CSNK2A1: variants seen among roughly 807,000 people sequenced by gnomAD.
CSNK2A1 encodes the protein casein kinase II subunit alpha.
In CSNK2A1, 10 loss-of-function variants were observed where a neutral mutation model predicts 62.9. That is an observed-to-expected ratio of 0.16 (90% CI 0.10 to 0.27). The LOEUF (loss-of-function observed/expected upper bound fraction) is 0.27. CSNK2A1 is among the 10% of genes least tolerant of loss of function. The probability of loss-of-function intolerance (pLI) is 1.00; values close to 1 mark genes in which losing one functional copy is unlikely to be tolerated. For synonymous variants in CSNK2A1, 124 were observed against 167.8 expected, an observed-to-expected ratio of 0.74 and a Z score of 2.02; for missense variants, 160 against 492.0, an observed-to-expected ratio of 0.33 and a Z score of 6.38.
intron 7 of CSNK2A1, 111 bp from the exon 8 acceptor site, chr20:495,913 A>G (rs552099164): frequency 6.3e-6 from 5 of 797,614 alleles, no homozygotes; most frequent in East Asian, 2.6e-5. Flanking sequence ...CTGGGATTCA[A>G]GCTGAGGACA....
chr20:517,698 T>A (rs1197526516), intron 2 of CSNK2A1, among the ~76,000 whole-genome samples: 1 of 152,108 alleles, frequency 6.6e-6, no homozygotes, highest in African/African-American at 2.4e-5. Context: ...TTAAAGCAAG[T>A]TAAGAATTTT....
intron 4 of CSNK2A1, chr20:504,389 A>C (rs1403950419): frequency 6.6e-6 from 1 of 152,212 alleles, no homozygotes; most frequent in African/African-American, 2.4e-5. Context: ...CTATATGCTA[A>C]GTTCCCAATA....
At chr20:532,767 A>C (rs2122646049) in intron 1 of CSNK2A1, among the ~76,000 whole-genome samples, 1 of 152,308 alleles carries the variant, frequency 6.6e-6, no homozygotes, top group Non-Finnish European at 1.5e-5. Context: ...ATTTCAAGAG[A>C]TACGCAATCA....
rs1424621601 is a variant in CSNK2A1 at position 483,845 on chromosome 20, C to T, written c.*116G>A. 7.9e-6 allele frequency: 6 copies of T among 756,430 alleles called. No individual in the cohort carries two copies. Among genetic ancestry groups the T allele is most frequent in the South Asian group, 9.8e-5 (2 of 20,366 alleles). 46.9% of individuals were successfully genotyped at this position (756,430 alleles called of 1,614,324 possible). On this transcript the variant is annotated 3_prime_UTR_variant, in exon 14 of 14. Coordinates refer to ENST00000217244, the MANE Select transcript of CSNK2A1 (RefSeq NM_177559.3). ...TGAACTACTATAAATCCACAAGCAA[C>T]GGTTCAGACACGGTGCTTCTGAAGT...
intron 9 of CSNK2A1, among the ~76,000 whole-genome samples, 190 bp from the exon 10 acceptor site, chr20:490,071 G>A: frequency 6.9e-6 from 1 of 145,060 alleles, no homozygotes; most frequent in Non-Finnish European, 1.5e-5. Flanking sequence ...TCACTCTGCT[G>A]CCCATGCTGG....
chr20:541,946 A>C (rs866047006), intron 1 of CSNK2A1, among the ~76,000 whole-genome samples: 24 of 152,204 alleles, frequency 1.6e-4, no homozygotes, highest in Admixed American at 3.9e-4. Flanking sequence ...ACTTTTGAGA[A>C]TACCACGGAG....
rs756556901 is a variant in CSNK2A1 at position 478,673 on chromosome 20, A to T, written c.*5288T>A. The T allele has an allele frequency of 2.3e-6, 1 of 429,944 alleles. No individual in the cohort carries two copies. The highest frequency in any genetic ancestry group is 4.6e-6 in the Non-Finnish European group (1 of 215,732). The allele number at this position is 429,944 out of a possible 1,614,324, so 26.6% of individuals were successfully genotyped here. A position where few individuals can be genotyped will look rare whatever the true frequency, so the allele number is the denominator to read the frequency against. On this transcript the variant is annotated 3_prime_UTR_variant, in exon 14 of 14. Transcript: ENST00000217244. ...GCCAGGTGTGGTGGCTCATGCCTCT[A>T]ATCTCAGCACTTTGGGAGGCCAAGG...
Position 499,070 on chromosome 20 carries a change from C to A in CSNK2A1, c.366+185G>T. 2.6e-6 allele frequency: 1 copy of A among 379,660 alleles called. No individual in the cohort carries two copies. Among genetic ancestry groups the A allele is most frequent in the Non-Finnish European group, 4.7e-6 (1 of 212,908 alleles). 23.5% of individuals were successfully genotyped at this position (379,660 alleles called of 1,614,324 possible). ...TTAAAAAGAACATTAAACAAATGGG[C>A]AAAATATCAAGATGCAGAAAGTGGG... On this transcript the variant is annotated intron_variant, in intron 6 of 13. Transcript: ENST00000217244. The surrounding 1 kb of genome is among the most constrained non-coding windows in gnomAD (Gnocchi z 4.2).
chr20:511,286 G>A (rs1365288319), intron 2 of CSNK2A1, among the ~76,000 whole-genome samples: 1 of 152,120 alleles, frequency 6.6e-6, no homozygotes. Context: ...GCTACAGTGA[G>A]CTGTGATTGC....
At chr20:502,309 T>C (rs889818857) in intron 4 of CSNK2A1, 18 of 152,354 alleles carry the variant, frequency 1.2e-4, no homozygotes, top group African/African-American at 3.6e-4. Context: ...TAAACTGTTA[T>C]ATTATCTGGG....
intron 2 of CSNK2A1, among the ~76,000 whole-genome samples, chr20:523,376 T>C (rs1446659207): frequency 1.3e-5 from 2 of 152,130 alleles, no homozygotes; most frequent in Non-Finnish European, 2.9e-5. Context: ...GTATTCATAA[T>C]CACCAAAGAA....
At chr20:539,164 A>G (rs562069557) in intron 1 of CSNK2A1, 7 of 152,390 alleles carry the variant, frequency 4.6e-5, no homozygotes, top group Non-Finnish European at 7.3e-5. Flanking sequence ...ATAACAAATT[A>G]TCACAAACAA....
At chr20:536,477 C>T (rs2019326573) in intron 1 of CSNK2A1, among the ~76,000 whole-genome samples, 1 of 152,140 alleles carries the variant, frequency 6.6e-6, no homozygotes, top group Non-Finnish European at 1.5e-5. Context: ...TCCCATGTTA[C>T]AGGTGAAGAA....
chr20:537,937 A>G (rs2019368741), intron 1 of CSNK2A1, among the ~76,000 whole-genome samples: 1 of 151,684 alleles, frequency 6.6e-6, no homozygotes, highest in Non-Finnish European at 1.5e-5. Flanking sequence ...GTTGTCATAT[A>G]GTTGAATATT....
At position 475,043 on chromosome 20, in the gene CSNK2A1, C is replaced by CCCCAATAAA; in HGVS notation, c.*8909_*8917dup. 1 of 152,272 alleles carries CCCCAATAAA rather than the reference C, an allele frequency of 6.6e-6. No individual in the cohort carries two copies. Among genetic ancestry groups the CCCCAATAAA allele is most frequent in the South Asian group, 2.1e-4 (1 of 4,818 alleles). 9.4% of individuals were successfully genotyped at this position (152,272 alleles called of 1,614,324 possible). ...GAGCAAATACAACATTTAGGTACCA[C>CCCCAATAAA]CCCAATAAACACAACACCGAGGACC... On this transcript the variant is annotated 3_prime_UTR_variant, in exon 14 of 14. Coordinates refer to ENST00000217244, the MANE Select transcript of CSNK2A1 (RefSeq NM_177559.3).
intron 3 of CSNK2A1, 162 bp downstream of exon 3, chr20:508,289 A>T: frequency 1.5e-6 from 1 of 662,386 alleles, no homozygotes; most frequent in Non-Finnish European, 2.4e-6. Context: ...CTGCTTCCTC[A>T]CTGCAAAACC....
intron 1 of CSNK2A1, among the ~76,000 whole-genome samples, chr20:530,246 C>G (rs1160602475): frequency 6.6e-6 from 1 of 152,158 alleles, no homozygotes; most frequent in Non-Finnish European, 1.5e-5. Flanking sequence ...TAAATGGAAT[C>G]ATGCAATATG....
chr20:522,261 A>G (rs1328679357), intron 2 of CSNK2A1, among the ~76,000 whole-genome samples: 1 of 152,220 alleles, frequency 6.6e-6, no homozygotes, highest in Non-Finnish European at 1.5e-5. Context: ...CCTAAGTCCA[A>G]TGGGCTTGGA....
In CSNK2A1 at chr20:499,076, A is replaced by G. The variant is rs2018404949; in HGVS notation, c.366+179T>C. 1 of 391,646 alleles carries G rather than the reference A, an allele frequency of 2.6e-6. No individual in the cohort carries two copies. Among genetic ancestry groups the G allele is most frequent in the African/African-American group, 2.1e-5 (1 of 48,142 alleles). 24.3% of individuals were successfully genotyped at this position (391,646 alleles called of 1,614,324 possible). On this transcript the variant is annotated intron_variant, in intron 6 of 13. Transcript: ENST00000217244. The surrounding 1 kb of genome is among the most constrained non-coding windows in gnomAD (Gnocchi z 4.2). Reference sequence around the variant, plus strand: ...AGAACATTAAACAAATGGGCAAAATATCAAGATGCAGAAAGTGGGCACTGC... The same window carrying G: ...AGAACATTAAACAAATGGGCAAAATGTCAAGATGCAGAAAGTGGGCACTGC...
Sources: allele counts gnomAD v4.1 joint callset (sites outside exome capture counted in the v4.1 genomes callset), GRCh38; gene constraint gnomAD v4.1.1; non-coding constraint Gnocchi (gnomAD v3.1); transcripts MANE v1.5; gene names NCBI Gene and HGNC (gene_info 2026-07-23, HGNC 2026-07-21).